The following CREBBP variants were observed in gnomAD, a reference collection of about 807,000 sequenced individuals.
The protein encoded by CREBBP is CREB binding lysine acetyltransferase.
A neutral mutation model predicts 265.0 loss-of-function variants in CREBBP; 19 were observed. The observed-to-expected ratio is 0.07, with a 90% CI of 0.05 to 0.11. CREBBP has a LOEUF of 0.11. Among genes scored for constraint, CREBBP ranks in the 10% least tolerant of loss-of-function variants. CREBBP has a pLI of 1.00. For synonymous variants in CREBBP, 1,457 were observed against 1,223.7 expected (o/e 1.19, Z -3.98); for missense variants, 2,525 against 3,219.0 (o/e 0.78, Z 5.22).
intron 23 of CREBBP, chr16:3,740,775 C>G: frequency 1.7e-6 from 1 of 602,658 alleles, no homozygotes; most frequent in Non-Finnish European, 3.0e-6. Flanking sequence ...GTTTACGTGC[C>G]CAGGTAACCT....
chr16:3,734,381 C>G (rs1284152435), intron 28 of CREBBP, among the ~76,000 whole-genome samples: 1 of 152,128 alleles, frequency 6.6e-6, no homozygotes, highest in South Asian at 2.1e-4. Context: ...CTCAGCATCC[C>G]GCCTCCTAAC....
intron 2 of CREBBP, among the ~76,000 whole-genome samples, chr16:3,817,422 C>T (rs1053394229): frequency 6.6e-6 from 1 of 152,206 alleles, no homozygotes; most frequent in African/African-American, 2.4e-5. Context: ...AAGCTCCAGG[C>T]TCAGAAAGAC....
chr16:3,745,769 A>G (rs1033535288), intron 21 of CREBBP: 43 of 317,632 alleles, frequency 1.4e-4, no homozygotes, highest in African/African-American at 9.1e-4. Flanking sequence ...AGTTCTAAAC[A>G]TGTGCTCTTA....
Position 3,793,430 on chromosome 16 carries a change from A to G in CREBBP, c.1172T>C (p.Val391Ala). 1.2e-6 allele frequency: 2 copies of G among 1,613,958 alleles called. No individual in the cohort carries two copies. Among genetic ancestry groups the G allele is most frequent in the Non-Finnish European group, 1.7e-6 (2 of 1,179,980 alleles). ...SLPHCRTMKN[V>A]LNHMTHCQAG... ...CTGACAATGCGTCATGTGATTCAAA[A>G]CGTTTTTCATGGTTCGACAATGCGG... The change falls in exon 4 of 31, where the codon GTT becomes GCT. Residue 391 changes from valine (V) to alanine (A), a missense_variant. Coordinates refer to ENST00000262367, the MANE Select transcript of CREBBP (RefSeq NM_004380.3).
At chr16:3,838,869 A>T (rs1163668382) in intron 2 of CREBBP, among the ~76,000 whole-genome samples, 1 of 152,162 alleles carries the variant, frequency 6.6e-6, no homozygotes, top group Non-Finnish European at 1.5e-5. Context: ...CTACCAAAAA[A>T]TGTTTTCGGA....
intron 19 of CREBBP, 157 bp from the exon 20 acceptor site, chr16:3,751,963 G>C (rs55735138): frequency 0.025 from 18,091 of 712,238 alleles, 335 homozygotes; most frequent in Middle Eastern, 0.054. Flanking sequence ...AAAGGAACAG[G>C]GGGCAGGTGG....
rs747644346 is a variant in CREBBP at position 3,780,898 on chromosome 16, A to C, written c.1677-20T>G. ...AGTGGGCTAAGGAGGAAATAAAGAC[A>C]CTTCATCCATCTACTGAAGTGACTC... On this transcript the variant is annotated intron_variant, in intron 7 of 30. Coordinates refer to ENST00000262367, the MANE Select transcript of CREBBP (RefSeq NM_004380.3). 2 of 1,612,770 alleles carry C rather than the reference A, an allele frequency of 1.2e-6. No individual in the cohort carries two copies. The highest frequency in any genetic ancestry group is 1.7e-6 in the Non-Finnish European group (2 of 1,179,946).
intron 2 of CREBBP, among the ~76,000 whole-genome samples, chr16:3,830,047 A>G (rs907999072): frequency 6.6e-6 from 1 of 152,232 alleles, no homozygotes; most frequent in African/African-American, 2.4e-5. Context: ...GGTTATCAGA[A>G]TAAATTAAAT....
At chr16:3,748,281 G>T (rs1464388812) in intron 21 of CREBBP, among the ~76,000 whole-genome samples, 1 of 150,068 alleles carries the variant, frequency 6.7e-6, no homozygotes, top group African/African-American at 2.5e-5. Context: ...TGTCTCAGGG[G>T]GAAAAAAAAA....
intron 1 of CREBBP, among the ~76,000 whole-genome samples, chr16:3,860,673 T>G (rs905586991): frequency 3.3e-5 from 5 of 152,148 alleles, no homozygotes; most frequent in African/African-American, 1.2e-4. Context: ...AAAACAAAAT[T>G]TGAAGGAAAA....
In CREBBP at chr16:3,850,703, G is replaced by A; in HGVS notation, c.392C>T (p.Pro131Leu). Reference protein sequence around the residue: ...SPLSQGDSSAPSLPKQAASTS... With the variant: ...SPLSQGDSSALSLPKQAASTS... ...GCTGGCTGCCTGTTTAGGCAGGCTG[G>A]GGGCTGAAGAATCTCCCTGGCTCAG... Residue 131 changes from proline to leucine, a missense_variant, in exon 2 of 31, where the codon CCC becomes CTC. By Grantham distance (98) the Pro-to-Leu change is moderately conservative. Around this residue, in one of 19 missense-constraint regions of CREBBP, gnomAD observed 356 missense variants for 340.4 expected, o/e 1.05. Transcript: ENST00000262367. The A allele has an allele frequency of 6.2e-7, 1 of 1,614,118 alleles. No homozygotes were observed.
intron 2 of CREBBP, among the ~76,000 whole-genome samples, chr16:3,841,388 A>C (rs2054564108): frequency 6.6e-6 from 1 of 152,166 alleles, no homozygotes; most frequent in Non-Finnish European, 1.5e-5. Flanking sequence ...ATAATAAGAA[A>C]AATTTGGGTT....
intron 5 of CREBBP, among the ~76,000 whole-genome samples, chr16:3,788,150 C>T (rs2053428945): frequency 6.6e-6 from 1 of 152,164 alleles, no homozygotes; most frequent in African/African-American, 2.4e-5. Flanking sequence ...ACACTTGCTT[C>T]AACAGTCCCT....
At chr16:3,732,025 A>T (rs2151320282) in intron 28 of CREBBP, 88 bp from the exon 29 acceptor site, 1 of 1,609,526 alleles carries the variant, frequency 6.2e-7, no homozygotes, top group Non-Finnish European at 8.5e-7. Context: ...GGGCATCAGG[A>T]AGCTCAGGCC....
chr16:3,852,157 G>GCT (rs1745428503), intron 1 of CREBBP, among the ~76,000 whole-genome samples: 2 of 50,880 alleles, frequency 3.9e-5, no homozygotes, highest in Non-Finnish European at 7.4e-5. Context: ...TCTTAAATTT[G>GCT]TTTTTTTTTT....
Position 3,879,943 on chromosome 16 carries a change from G to C in CREBBP, c.-27C>G, listed in dbSNP as rs770230478. On this transcript the variant is annotated 5_prime_UTR_variant, in exon 1 of 31. Coordinates refer to ENST00000262367, the MANE Select transcript of CREBBP (RefSeq NM_004380.3). ...TTCACCTGCTCGCGAAAACAGCCCC[G>C]GGCACGGGCGGCCGGGCCGGCGAGG... 5 of 1,601,340 alleles carry C rather than the reference G, an allele frequency of 3.1e-6. No homozygotes were observed. The highest frequency in any genetic ancestry group is 2.7e-5 in the African/African-American group (2 of 74,256).
intron 13 of CREBBP, 140 bp from the exon 14 acceptor site, chr16:3,771,126 T>C: frequency 1.3e-5 from 11 of 876,356 alleles, no homozygotes; most frequent in Non-Finnish European, 1.8e-5. Context: ...TGCAATGCAA[T>C]GGTGCGATCT....
At chr16:3,776,496 C>G (rs528388908) in intron 11 of CREBBP, among the ~76,000 whole-genome samples, 4 of 152,270 alleles carry the variant, frequency 2.6e-5, no homozygotes, top group East Asian at 3.9e-4. Context: ...TGTGTACACT[C>G]TCTCCAGAAG....
At chr16:3,822,046 C>T (rs372476618) in intron 2 of CREBBP, among the ~76,000 whole-genome samples, 2 of 152,140 alleles carry the variant, frequency 1.3e-5, no homozygotes, top group Non-Finnish European at 2.9e-5. Flanking sequence ...CACAGCAAGA[C>T]TCTGTCACAC....
Sources: gnomAD v4.1 joint callset for allele counts (sites outside exome capture counted in the v4.1 genomes callset) on GRCh38, gnomAD v4.1.1 for gene constraint, gnomAD v4.1.1 regional missense constraint, MANE v1.5 for transcripts, NCBI Gene and HGNC (gene_info 2026-07-23, HGNC 2026-07-21) for gene names.